ZNF66: variants seen among roughly 807,000 people sequenced by gnomAD.
ZNF66 encodes the protein zinc finger protein 66.
Under a neutral mutation model 35.2 loss-of-function variants are expected in ZNF66, and 32 were observed. The observed-to-expected ratio is 0.91, with a 90% CI of 0.69 to 1.22. ZNF66 has a LOEUF of 1.22. Ranked by LOEUF, ZNF66 falls within the 50% of genes most tolerant of loss-of-function variation. The pLI, the probability that ZNF66 is intolerant of heterozygous loss-of-function variation, is 0.00. For synonymous variants in ZNF66, 231 were observed against 181.3 expected (o/e 1.27, Z -2.20); for missense variants, 666 against 543.1 (o/e 1.23, Z -2.25).
chr19:20,788,439 G>A (rs2144898116), intron 1 of ZNF66, among the ~76,000 whole-genome samples: 1 of 152,222 alleles, frequency 6.6e-6, no homozygotes, highest in South Asian at 2.1e-4. Flanking sequence ...GACGGAGTCT[G>A]TGTCACCCAG....
Position 20,806,035 on chromosome 19 carries a change from T to G in ZNF66, c.435T>G (p.Phe145Leu). The G allele has an allele frequency of 1.2e-6, 1 of 831,480 alleles. No individual in the cohort carries two copies. Among genetic ancestry groups the G allele is most frequent in the East Asian group, 2.4e-5 (1 of 41,486 alleles). 51.5% of individuals were successfully genotyped at this position (831,480 alleles called of 1,614,324 possible). A position where few individuals can be genotyped will look rare whatever the true frequency, so the allele number is the denominator to read the frequency against. ...QCLTTTQSKMFQCDKHGKVFH... is the reference protein window; with the variant it reads ...QCLTTTQSKMLQCDKHGKVFH... The stretch of plus-strand genomic sequence containing the variant: ...TGACAACTACCCAAAGCAAAATGTT[T>G]CAATGTGATAAACATGGGAAAGTCT... Residue 145 changes from phenylalanine (F) to leucine (L), a missense_variant, in exon 4 of 4, where the codon TTT (phenylalanine) becomes TTG (leucine). Phe to Leu is a conservative substitution (Grantham distance 22, BLOSUM62 0). Transcript: ENST00000344519.
Position 20,806,186 on chromosome 19 carries a change from A to G in ZNF66, c.586A>G (p.Thr196Ala), listed in dbSNP as rs1367443136. 4 of 1,318,034 alleles carry G rather than the reference A, an allele frequency of 3.0e-6. No homozygotes were observed. The African/African-American group carries it at 4.3e-5, about 14-fold the overall frequency. The allele number at this position is 1,318,034 out of a possible 1,614,324, so 81.6% of individuals were successfully genotyped here. ...CTTTACTACACATAAGAAAATTCATACTGGAGAGAAACCCTATAAATGTAT... is the reference window on the plus strand; with the variant it reads ...CTTTACTACACATAAGAAAATTCATGCTGGAGAGAAACCCTATAAATGTAT... ...STFTTHKKIHTGEKPYKCIEC... is the reference protein window; with the variant it reads ...STFTTHKKIHAGEKPYKCIEC... Residue 196 changes from threonine (T) to alanine (A), a missense_variant, in exon 4 of 4, where the codon ACT becomes GCT. Physicochemically the swap from Thr to Ala is moderately conservative, Grantham distance 58. Transcript: ENST00000344519.
chr19:20,793,082 A>G (rs1971353820), intron 2 of ZNF66, among the ~76,000 whole-genome samples: 1 of 151,618 alleles, frequency 6.6e-6, no homozygotes, highest in African/African-American at 2.4e-5. Flanking sequence ...AGAAAAAAAA[A>G]AAAGAAAGAA....
At chr19:20,801,816 A>G (rs575107058) in intron 3 of ZNF66, among the ~76,000 whole-genome samples, 6 of 151,658 alleles carry the variant, frequency 4.0e-5, no homozygotes, top group Non-Finnish European at 8.8e-5. Flanking sequence ...TTTCATAGAG[A>G]CAGAGTTTTG....
At position 20,806,567 on chromosome 19, in the gene ZNF66, A is replaced by T. The variant is rs1035295191; in HGVS notation, c.967A>T (p.Asn323Tyr). The T allele has an allele frequency of 6.3e-7, 1 of 1,582,264 alleles. No homozygotes were observed. Among genetic ancestry groups the T allele is most frequent in the African/African-American group, 1.3e-5 (1 of 74,210 alleles). ...YKCEECGKAF[N>Y]WSSHLTTHKR... ...ATGTGAAGAATGTGGTAAAGCCTTCAACTGGTCCTCACACCTTACTACACA... is the reference window on the plus strand; with the variant it reads ...ATGTGAAGAATGTGGTAAAGCCTTCTACTGGTCCTCACACCTTACTACACA... The change falls in exon 4 of 4, where the codon AAC becomes TAC. Residue 323 changes from asparagine to tyrosine, a missense_variant. Asn to Tyr is a moderately radical substitution (Grantham distance 143). Transcript: ENST00000344519.
intron 3 of ZNF66, chr19:20,794,198 G>A (rs1971370085): frequency 5.8e-6 from 2 of 342,982 alleles, no homozygotes; most frequent in Non-Finnish European, 5.4e-6. Context: ...TTGTTTTGGG[G>A]ACACACAAAT....
At chr19:20,782,149 T>G (rs1971251053) in intron 1 of ZNF66, among the ~76,000 whole-genome samples, 1 of 152,176 alleles carries the variant, frequency 6.6e-6, no homozygotes, top group South Asian at 2.1e-4. Context: ...TTTGCCATGT[T>G]GCCCAGGCTG....
chr19:20,793,909 C>A, intron 3 of ZNF66, 31 bp downstream of exon 3: 1 of 985,640 alleles, frequency 1.0e-6, no homozygotes, highest in Non-Finnish European at 1.5e-6. Flanking sequence ...ATACAACAGA[C>A]AACACAGTAA....
chr19:20,786,570 A>G (rs36169272), intron 1 of ZNF66, among the ~76,000 whole-genome samples: 98,525 of 152,066 alleles, frequency 0.65, 32,068 homozygotes, highest in Non-Finnish European at 0.67. Context: ...AATCCAGGTC[A>G]TGAGATTTGA....
At chr19:20,805,409 C>T (rs150943317) in intron 3 of ZNF66, among the ~76,000 whole-genome samples, 2 of 152,136 alleles carry the variant, frequency 1.3e-5, no homozygotes, top group African/African-American at 2.4e-5. Flanking sequence ...GGCCAGGCTG[C>T]CTTTGAACTC....
At position 20,807,183 on chromosome 19, in the gene ZNF66, A is replaced by T. The variant is rs11882548; in HGVS notation, c.1583A>T (p.Lys528Met). 100,113 of 750,824 alleles carry T rather than the reference A, an allele frequency of 0.13. 8,147 individuals are homozygous for T. The highest frequency in any genetic ancestry group is 0.25 in the African/African-American group (14,169 of 57,388). The allele number at this position is 750,824 out of a possible 1,614,324, so 46.5% of individuals were successfully genotyped here. Residue 528 changes from lysine (K) to methionine (M), a missense_variant, in exon 4 of 4, where the codon AAG (lysine) becomes ATG (methionine). Coordinates refer to ENST00000344519, the MANE Select transcript of ZNF66 (RefSeq NM_001355197.2). ...TACTCCTCTACCCTTACTAGACATA[A>T]GAAAATTCATACTGGAGGGAAACCA... The part of the protein sequence containing the change: ...FKYSSTLTRH[K>M]KIHTGGKPHK...
intron 1 of ZNF66, among the ~76,000 whole-genome samples, chr19:20,790,994 G>A (rs1318196953): frequency 6.6e-6 from 1 of 152,006 alleles, no homozygotes; most frequent in African/African-American, 2.4e-5. Context: ...CTTCTTATAC[G>A]CCATGCAGAT....
chr19:20,790,754 G>GA (rs74957457), intron 1 of ZNF66, among the ~76,000 whole-genome samples: 14,019 of 150,768 alleles, frequency 0.093, 646 homozygotes, highest in Middle Eastern at 0.11. Flanking sequence ...ATCAGAAAGA[G>GA]AAAAAAAAAG....
In ZNF66 at chr19:20,807,635, C is replaced by A. The variant is rs1971535966; in HGVS notation, c.*313C>A. Among the ~76,000 whole-genome samples the A allele has an allele frequency of 6.7e-6, 1 of 149,242 alleles. No homozygotes were observed. ...CATGCTTGTCACCCAAGCTGGAATA[C>A]AATGTGATGATCTCGGATCACTGAA... is the stretch of plus-strand genomic sequence containing the variant. On this transcript the variant is annotated 3_prime_UTR_variant, in exon 4 of 4. Transcript: ENST00000344519.
intron 1 of ZNF66, among the ~76,000 whole-genome samples, chr19:20,779,102 T>C (rs1326088942): frequency 1.3e-5 from 2 of 152,202 alleles, no homozygotes; most frequent in African/African-American, 2.4e-5. Flanking sequence ...CACAGGCAGA[T>C]GCAGTTGAGG....
intron 1 of ZNF66, among the ~76,000 whole-genome samples, chr19:20,789,499 T>G (rs9783965): frequency 0.093 from 14,173 of 152,230 alleles, 675 homozygotes; most frequent in Middle Eastern, 0.11. Flanking sequence ...AAACCAGTGT[T>G]TGCAGAGACA....
chr19:20,801,255 A>G (rs1971444909), intron 3 of ZNF66, among the ~76,000 whole-genome samples: 1 of 152,068 alleles, frequency 6.6e-6, no homozygotes. Context: ...TGTAGGGAGC[A>G]TAGTGTATGC....
At chr19:20,785,312 G>C (rs1287540107) in intron 1 of ZNF66, among the ~76,000 whole-genome samples, 1 of 152,162 alleles carries the variant, frequency 6.6e-6, no homozygotes, top group African/African-American at 2.4e-5. Flanking sequence ...CCAGTGCCAG[G>C]GAGTACAGAG....
chr19:20,783,625 A>G (rs1971263099), intron 1 of ZNF66, among the ~76,000 whole-genome samples: 1 of 152,254 alleles, frequency 6.6e-6, no homozygotes, highest in Non-Finnish European at 1.5e-5. Context: ...TTAGCAATAC[A>G]GAATGATAAA....
Sources: gnomAD v4.1 joint callset for allele counts (sites outside exome capture counted in the v4.1 genomes callset) on GRCh38, gnomAD v4.1.1 for gene constraint, MANE v1.5 for transcripts, NCBI Gene and HGNC (gene_info 2026-07-23, HGNC 2026-07-21) for gene names.